The following HECW2 variants were observed in gnomAD, a reference collection of about 807,000 sequenced individuals.
HECW2 encodes the protein E3 ubiquitin-protein ligase HECW2.
Under a neutral mutation model 175.2 loss-of-function variants are expected in HECW2, and 61 were observed. That is an observed-to-expected ratio of 0.35 (90% CI 0.28 to 0.43). The LOEUF (loss-of-function observed/expected upper bound fraction) is 0.43, where lower values mean the gene tolerates loss of function less well. HECW2 is among the 20% of genes least tolerant of loss of function. The pLI is 1.00. For synonymous variants in HECW2, 671 were observed against 731.0 expected, an observed-to-expected ratio of 0.92 and a Z score of 1.32; for missense variants, 1,524 against 2,000.5, an observed-to-expected ratio of 0.76 and a Z score of 4.54.
intron 3 of HECW2, among the ~76,000 whole-genome samples, chr2:196,339,659 A>C (rs894241952): frequency 6.6e-6 from 1 of 152,246 alleles, no homozygotes. Context: ...GAATAAATGA[A>C]TGACCACAAC....
intron 1 of HECW2, among the ~76,000 whole-genome samples, chr2:196,455,501 T>C (rs767980777): frequency 6.6e-6 from 1 of 152,234 alleles, no homozygotes; most frequent in Non-Finnish European, 1.5e-5. Context: ...TTATCTCATT[T>C]ATGACTTTAT....
intron 1 of HECW2, among the ~76,000 whole-genome samples, chr2:196,550,197 A>T (rs892036328): frequency 6.6e-6 from 1 of 152,198 alleles, no homozygotes; most frequent in African/African-American, 2.4e-5. Flanking sequence ...ATAAAGGTAG[A>T]CTGACTGACT....
At chr2:196,325,487 C>T (rs999745176) in intron 5 of HECW2, among the ~76,000 whole-genome samples, 4 of 152,170 alleles carry the variant, frequency 2.6e-5, no homozygotes, top group African/African-American at 9.7e-5. Flanking sequence ...ACTGACTTTT[C>T]CTGGGAACTC....
chr2:196,525,631 A>G (rs1228684768), intron 1 of HECW2, among the ~76,000 whole-genome samples: 4 of 146,664 alleles, frequency 2.7e-5, no homozygotes, highest in Admixed American at 6.8e-5. Context: ...GTTCCTTTCC[A>G]TGTTTAGTGC....
At chr2:196,352,817 G>A (rs1693217541) in intron 2 of HECW2, among the ~76,000 whole-genome samples, 1 of 152,202 alleles carries the variant, frequency 6.6e-6, no homozygotes, top group Non-Finnish European at 1.5e-5. Context: ...ACAGCCCAGT[G>A]AGAAGAAACA....
intron 13 of HECW2, among the ~76,000 whole-genome samples, chr2:196,293,868 A>G (rs1177493496): frequency 6.6e-6 from 1 of 152,188 alleles, no homozygotes; most frequent in Admixed American, 6.5e-5. Context: ...TTTCTATACT[A>G]GAAGGACATG....
Position 196,433,317 on chromosome 2 carries a change from G to C in HECW2, c.107C>G (p.Ser36Cys), listed in dbSNP as rs1695772160. Residue 36 changes from serine (S) to cysteine (C), a missense_variant, in exon 2 of 29, where the codon TCC (serine) becomes TGC (cysteine). Physicochemically the swap from Ser to Cys is moderately radical, Grantham distance 112. This residue lies in a region of HECW2 where 135 missense variants were observed against 214.6 expected (regional missense o/e 0.63). Coordinates refer to ENST00000644978, the MANE Select transcript of HECW2 (RefSeq NM_001348768.2). ...ENLQSLAAQS[S>C]MPENMTLQRA... The stretch of plus-strand genomic sequence containing the variant: ...CTGCAGGGTCATGTTCTCTGGCATG[G>C]AGCTCTGGGCGGCAAGGCTCTGGAG... 1.2e-6 allele frequency: 2 copies of C among 1,614,156 alleles called. No individual in the cohort carries two copies. Among genetic ancestry groups the C allele is most frequent in the Non-Finnish European group, 1.7e-6 (2 of 1,180,016 alleles).
intron 28 of HECW2, among the ~76,000 whole-genome samples, chr2:196,207,750 A>G (rs1417692818): frequency 6.6e-6 from 1 of 152,202 alleles, no homozygotes; most frequent in East Asian, 1.9e-4. Context: ...GTATCTATAG[A>G]CGGGTGAGGG....
At chr2:196,382,720 A>G (rs1479675426) in intron 2 of HECW2, among the ~76,000 whole-genome samples, 2 of 152,170 alleles carry the variant, frequency 1.3e-5, no homozygotes, top group Non-Finnish European at 2.9e-5. Context: ...ACCTGGCTTT[A>G]AAAAGCATCT....
intron 6 of HECW2, among the ~76,000 whole-genome samples, chr2:196,323,959 G>A (rs1212477256): frequency 9.5e-6 from 1 of 104,778 alleles, no homozygotes; most frequent in African/African-American, 3.4e-5. Flanking sequence ...ATCATTAGTA[G>A]TTTCTTAAAC....
In HECW2 at chr2:196,495,985, T is replaced by C. The variant is rs549570907; in HGVS notation, c.-35-62527A>G. ...ATGCAAGAGATGCCACTGAAGGTTTTAGAACAGGAAAGGAAGATGAGCATC... is the reference window on the plus strand; with the variant it reads ...ATGCAAGAGATGCCACTGAAGGTTTCAGAACAGGAAAGGAAGATGAGCATC... On this transcript the variant is annotated intron_variant, in intron 1 of 28. Transcript: ENST00000644978. 1.2e-4 allele frequency among the ~76,000 whole-genome samples: 18 copies of C among 152,322 alleles called. No homozygotes were observed. The South Asian group carries it at 2.7e-3, about 23-fold the overall frequency.
intron 13 of HECW2, among the ~76,000 whole-genome samples, chr2:196,293,917 C>T (rs1690701547): frequency 6.6e-6 from 1 of 152,196 alleles, no homozygotes; most frequent in South Asian, 2.1e-4. Flanking sequence ...TCACACTCAA[C>T]TGAGATCACA....
chr2:196,305,991 G>A (rs895575905), intron 13 of HECW2, among the ~76,000 whole-genome samples: 1 of 152,090 alleles, frequency 6.6e-6, no homozygotes, highest in Non-Finnish European at 1.5e-5. Context: ...CGATGTTTGT[G>A]TCCCCCAGAG....
At chr2:196,249,869 A>G (rs1190606925) in intron 19 of HECW2, among the ~76,000 whole-genome samples, 1 of 152,210 alleles carries the variant, frequency 6.6e-6, no homozygotes, top group Non-Finnish European at 1.5e-5. Flanking sequence ...CACCACAAAC[A>G]CTGCTAGCAA....
chr2:196,400,869 G>T (rs1327479133), intron 2 of HECW2, among the ~76,000 whole-genome samples: 2 of 149,408 alleles, frequency 1.3e-5, no homozygotes, highest in African/African-American at 4.9e-5. Flanking sequence ...TATTCAACTT[G>T]TGTCTACTTA....
intron 4 of HECW2, chr2:196,331,368 C>A: frequency 1.4e-6 from 1 of 731,310 alleles, no homozygotes; most frequent in South Asian, 6.2e-5. Context: ...CTGCTTTCAC[C>A]ACACACTACG....
rs1320818723 is a variant in HECW2, at chr2:196,491,499, T to C, written c.-35-58041A>G. Among the ~76,000 whole-genome samples the C allele has an allele frequency of 2.2e-4, 29 of 131,994 alleles. No individual in the cohort carries two copies. In the East Asian group the frequency reaches 3.6e-3, roughly 16 times the overall value. 86.6% of individuals were successfully genotyped at this position (131,994 alleles called of 152,430 possible). On this transcript the variant is annotated intron_variant, in intron 1 of 28. Transcript: ENST00000644978. The stretch of plus-strand genomic sequence containing the variant: ...ATATATATATATACACATATATATA[T>C]ATACACACACACACACACACACACA...
chr2:196,259,390 G>A (rs1476372689), intron 17 of HECW2, among the ~76,000 whole-genome samples: 1 of 152,206 alleles, frequency 6.6e-6, no homozygotes, highest in African/African-American at 2.4e-5. Flanking sequence ...ATTCCCTAAT[G>A]CATAGAAAAG....
chr2:196,372,992 T>C (rs1693949134), intron 2 of HECW2, among the ~76,000 whole-genome samples: 3 of 152,198 alleles, frequency 2.0e-5, no homozygotes, highest in Admixed American at 6.5e-5. Context: ...TTTGAGAGGA[T>C]TGTGAAGCTA....
Sources: gnomAD v4.1 joint callset for allele counts (sites outside exome capture counted in the v4.1 genomes callset) on GRCh38, gnomAD v4.1.1 for gene constraint, gnomAD v4.1.1 regional missense constraint, MANE v1.5 for transcripts, NCBI Gene and HGNC (gene_info 2026-07-23, HGNC 2026-07-21) for gene names.